UNC5D: variants seen among roughly 807,000 people sequenced by gnomAD.
UNC5D encodes the protein unc-5 netrin receptor D.
A neutral mutation model predicts 105.4 loss-of-function variants in UNC5D; 39 were observed. That is an observed-to-expected ratio of 0.37 (90% CI 0.29 to 0.48). UNC5D has a LOEUF of 0.48. Ranked by LOEUF, UNC5D falls within the 20% of genes least tolerant of loss-of-function variation. The pLI is 0.98. For synonymous variants in UNC5D, 452 were observed against 450.4 expected (o/e 1.00, Z -0.04); for missense variants, 991 against 1,202.4 (o/e 0.82, Z 2.60).
At chr8:35,771,276 A>G (rs895677644) in intron 15 of UNC5D, among the ~76,000 whole-genome samples, 3 of 152,162 alleles carry the variant, frequency 2.0e-5, no homozygotes, top group Admixed American at 2.0e-4. Flanking sequence ...TCGGTCAACA[A>G]TTTACAGGTG....
intron 1 of UNC5D, among the ~76,000 whole-genome samples, chr8:35,431,515 C>A (rs1352720791): frequency 6.6e-6 from 1 of 151,964 alleles, no homozygotes; most frequent in Non-Finnish European, 1.5e-5. Context: ...TCTAGGACTT[C>A]AAAAAACCAA....
chr8:35,491,985 C>T (rs746054909), intron 1 of UNC5D, among the ~76,000 whole-genome samples: 8 of 152,078 alleles, frequency 5.3e-5, no homozygotes, highest in Non-Finnish European at 7.4e-5. Context: ...TGATTTGACT[C>T]GCTTTTGAAA....
At chr8:35,408,785 A>G (rs1175148844) in intron 1 of UNC5D, among the ~76,000 whole-genome samples, 1 of 151,998 alleles carries the variant, frequency 6.6e-6, no homozygotes, top group Non-Finnish European at 1.5e-5. Flanking sequence ...ACTACTACCA[A>G]TCACAAATGT....
intron 1 of UNC5D, among the ~76,000 whole-genome samples, chr8:35,506,854 T>C (rs1411564471): frequency 6.6e-6 from 1 of 152,118 alleles, no homozygotes; most frequent in East Asian, 1.9e-4. Context: ...AGACGTGGCT[T>C]GGTGGGTCAA....
chr8:35,483,333 G>A (rs1810618474), intron 1 of UNC5D, among the ~76,000 whole-genome samples: 1 of 152,056 alleles, frequency 6.6e-6, no homozygotes, highest in Non-Finnish European at 1.5e-5. Context: ...GTCTACTGAT[G>A]GTGACCAAAT....
chr8:35,296,501 C>A (rs1157270802), intron 1 of UNC5D, among the ~76,000 whole-genome samples: 1 of 152,156 alleles, frequency 6.6e-6, no homozygotes, highest in African/African-American at 2.4e-5. Context: ...CTCACTGCAA[C>A]CTCTGCCTCC....
intron 1 of UNC5D, among the ~76,000 whole-genome samples, chr8:35,519,909 T>C (rs184489471): frequency 3.9e-5 from 6 of 152,160 alleles, no homozygotes; most frequent in South Asian, 2.1e-4. Flanking sequence ...AAAAGACAGA[T>C]GATAATAAGT....
At chr8:35,361,118 G>A (rs1005000308) in intron 1 of UNC5D, among the ~76,000 whole-genome samples, 2 of 152,086 alleles carry the variant, frequency 1.3e-5, no homozygotes, top group African/African-American at 4.8e-5. Context: ...GATGATGAGG[G>A]AGTTTCAGGG....
intron 1 of UNC5D, among the ~76,000 whole-genome samples, chr8:35,536,964 C>T (rs1814891597): frequency 1.3e-5 from 2 of 151,976 alleles, no homozygotes; most frequent in African/African-American, 4.8e-5. Flanking sequence ...CCACTGCACT[C>T]CAGTCTGGGT....
At chr8:35,561,192 A>G (rs1425239010) in intron 2 of UNC5D, among the ~76,000 whole-genome samples, 1 of 152,140 alleles carries the variant, frequency 6.6e-6, no homozygotes, top group African/African-American at 2.4e-5. Context: ...CACCATTTCT[A>G]TGGAGCTCTT....
In UNC5D at chr8:35,372,808, C is replaced by T. The variant is rs569384072; in HGVS notation, c.103+136921C>T. On this transcript the variant is annotated intron_variant, in intron 1 of 16. Coordinates refer to ENST00000404895, the MANE Select transcript of UNC5D (RefSeq NM_080872.4). ...TTTAGAGATGGAGTCTCACATTTTA[C>T]CCAGGCTGGTGTCAAATTTCTGGCC... is the stretch of plus-strand genomic sequence containing the variant. 3.9e-5 allele frequency among the ~76,000 whole-genome samples: 6 copies of T among 152,226 alleles called. No homozygotes were observed. The South Asian group carries it at 1.0e-3, about 26-fold the overall frequency.
In UNC5D at chr8:35,791,719, T is replaced by C. The variant is rs1275520690; in HGVS notation, c.*1156T>C. ...AGACTTGAGGAATCCTCTACCACAG[T>C]GTCCCTGAAACCACATGCATCATTC... On this transcript the variant is annotated 3_prime_UTR_variant, in exon 17 of 17. Transcript: ENST00000404895. 4 of 152,170 alleles carry C rather than the reference T, an allele frequency of 2.6e-5. No individual in the cohort carries two copies. Among genetic ancestry groups the C allele is most frequent in the Non-Finnish European group, 5.9e-5 (4 of 68,020 alleles). The allele number at this position is 152,170 out of a possible 1,614,324, so 9.4% of individuals were successfully genotyped here. A position where few individuals can be genotyped will look rare whatever the true frequency, so the allele number is the denominator to read the frequency against.
At chr8:35,470,188 T>A (rs1809600379) in intron 1 of UNC5D, among the ~76,000 whole-genome samples, 1 of 152,174 alleles carries the variant, frequency 6.6e-6, no homozygotes, top group Non-Finnish European at 1.5e-5. Flanking sequence ...TTACAGTTCA[T>A]TTAGGCAGGT....
intron 1 of UNC5D, among the ~76,000 whole-genome samples, chr8:35,424,134 T>C (rs1806094494): frequency 6.6e-6 from 1 of 152,090 alleles, no homozygotes; most frequent in Non-Finnish European, 1.5e-5. Flanking sequence ...TTTGAGGGAT[T>C]TTCTTCTGCT....
intron 8 of UNC5D, among the ~76,000 whole-genome samples, chr8:35,711,698 T>A (rs1393014908): frequency 6.6e-6 from 1 of 152,200 alleles, no homozygotes; most frequent in Non-Finnish European, 1.5e-5. Context: ...AACTTAGATT[T>A]CATGTCTGCA....
chr8:35,466,563 A>G (rs1261948100), intron 1 of UNC5D, among the ~76,000 whole-genome samples: 2 of 152,206 alleles, frequency 1.3e-5, no homozygotes, highest in African/African-American at 4.8e-5. Flanking sequence ...AATGCCCACA[A>G]GATGGTGTTA....
At chr8:35,419,653 G>C (rs1805760592) in intron 1 of UNC5D, among the ~76,000 whole-genome samples, 1 of 152,172 alleles carries the variant, frequency 6.6e-6, no homozygotes, top group Non-Finnish European at 1.5e-5. Flanking sequence ...GCTCGTTCGT[G>C]TTATGGCTTG....
chr8:35,574,582 T>G (rs930354955), intron 3 of UNC5D, among the ~76,000 whole-genome samples: 2 of 152,182 alleles, frequency 1.3e-5, no homozygotes, highest in African/African-American at 4.8e-5. Context: ...TTGAAAATGA[T>G]GGAAGAGAGA....
At chr8:35,347,718 G>A (rs1274020835) in intron 1 of UNC5D, among the ~76,000 whole-genome samples, 1 of 151,920 alleles carries the variant, frequency 6.6e-6, no homozygotes, top group Non-Finnish European at 1.5e-5. Context: ...AGAGAAAGAG[G>A]CCAGGCCTCA....
Sources: gnomAD v4.1 joint callset for allele counts (sites outside exome capture counted in the v4.1 genomes callset) on GRCh38, gnomAD v4.1.1 for gene constraint, MANE v1.5 for transcripts, NCBI Gene and HGNC (gene_info 2026-07-23, HGNC 2026-07-21) for gene names.